The following SUSD5 variants were observed in gnomAD, a reference collection of about 807,000 sequenced individuals.
SUSD5 encodes the protein sushi domain-containing protein 5.
SUSD5 carries 33 observed loss-of-function variants against 29.5 expected under a neutral mutation model. The observed-to-expected ratio is 1.12, with a 90% CI of 0.85 to 1.49. The LOEUF (loss-of-function observed/expected upper bound fraction) is 1.49, where lower values mean the gene tolerates loss of function less well. Ranked by LOEUF, SUSD5 falls within the 40% of genes most tolerant of loss-of-function variation. SUSD5 has a pLI of 0.00. For synonymous variants in SUSD5, 308 were observed against 325.3 expected (o/e 0.95, Z 0.57); for missense variants, 776 against 800.6 (o/e 0.97, Z 0.37).
In SUSD5 at chr3:33,167,611, G is replaced by T. The variant is rs1014366077; in HGVS notation, c.598+7275C>A. The stretch of plus-strand genomic sequence containing the variant: ...AGGTCAAGGTCCTGACTTAAAAACA[G>T]GTTGTCAGTATATCACAGTTTCCCC... On this transcript the variant is annotated intron_variant, in intron 4 of 4. Transcript: ENST00000309558. The surrounding 1 kb of genome is among the most constrained non-coding windows in gnomAD (Gnocchi z 4.1). Among the ~76,000 whole-genome samples, 5 of 152,150 alleles carry T rather than the reference G, an allele frequency of 3.3e-5. No individual in the cohort carries two copies. The highest frequency in any genetic ancestry group is 7.4e-5 in the Non-Finnish European group (5 of 68,026).
intron 4 of SUSD5, among the ~76,000 whole-genome samples, chr3:33,156,249 C>T (rs1348309563): frequency 6.6e-6 from 1 of 152,076 alleles, no homozygotes; most frequent in Non-Finnish European, 1.5e-5. Context: ...CCATGTTGGC[C>T]AGGCTGGTGT....
chr3:33,164,121 C>G (rs2031254154), intron 4 of SUSD5, among the ~76,000 whole-genome samples: 1 of 152,058 alleles, frequency 6.6e-6, no homozygotes, highest in South Asian at 2.1e-4. Flanking sequence ...TTGCAGTGAG[C>G]CAAGATCTTG....
chr3:33,214,645 G>A (rs755380668), intron 1 of SUSD5, among the ~76,000 whole-genome samples: 1 of 152,128 alleles, frequency 6.6e-6, no homozygotes, highest in African/African-American at 2.4e-5. Context: ...AGAAAACAGG[G>A]ATGATGTCTG....
At chr3:33,159,706 TAC>T (rs35599277) in intron 4 of SUSD5, among the ~76,000 whole-genome samples, 24,255 of 150,872 alleles carry the variant, frequency 0.16, 2,038 homozygotes, top group South Asian at 0.24. Context: ...AACACACCCA[TAC>T]ACACACACAC....
chr3:33,194,687 G>A (rs2031962162), intron 3 of SUSD5, among the ~76,000 whole-genome samples: 1 of 152,056 alleles, frequency 6.6e-6, no homozygotes, highest in Non-Finnish European at 1.5e-5. Context: ...TGATAAGGCA[G>A]AAACCAGAAG....
At position 33,152,617 on chromosome 3, in the gene SUSD5, AC is replaced by A; in HGVS notation, c.*124del. 1 of 1,121,520 alleles carries A rather than the reference AC, an allele frequency of 8.9e-7. No homozygotes were observed. Among genetic ancestry groups the A allele is most frequent in the Non-Finnish European group, 1.2e-6 (1 of 800,216 alleles). The allele number at this position is 1,121,520 out of a possible 1,614,324, so 69.5% of individuals were successfully genotyped here. The stretch of plus-strand genomic sequence containing the variant: ...CCAGAGACACTTCTCAGCCTATAAA[AC>A]AAAGGGCTGAGGAAAAAATGATGAG... On this transcript the variant is annotated 3_prime_UTR_variant, in exon 5 of 5. Coordinates refer to ENST00000309558, the MANE Select transcript of SUSD5 (RefSeq NM_015551.2).
chr3:33,207,765 A>G (rs779879255), intron 3 of SUSD5, 43 bp downstream of exon 3: 1 of 1,381,522 alleles, frequency 7.2e-7, no homozygotes, highest in South Asian at 1.2e-5. Context: ...GCAATCCCCA[A>G]GAGCACACCC....
intron 4 of SUSD5, among the ~76,000 whole-genome samples, chr3:33,160,128 C>T (rs2031149130): frequency 6.6e-6 from 1 of 152,020 alleles, no homozygotes; most frequent in African/African-American, 2.4e-5. Context: ...AAGCAGAACC[C>T]AGACTTAAAA....
At chr3:33,206,422 T>A (rs1308571990) in intron 3 of SUSD5, among the ~76,000 whole-genome samples, 7 of 79,584 alleles carry the variant, frequency 8.8e-5, no homozygotes, top group African/African-American at 3.4e-4. Context: ...AGTGTGTGTG[T>A]GTGTGTGTGT....
rs1198357120 is a variant in SUSD5 at position 33,204,080 on chromosome 3, A to T, written c.409+3728T>A. Among the ~76,000 whole-genome samples, 1 of 151,556 alleles carries T rather than the reference A, an allele frequency of 6.6e-6. No individual in the cohort carries two copies. The highest frequency in any genetic ancestry group is 1.5e-5 in the Non-Finnish European group (1 of 67,922). ...CAGGGTGCGCCACCATGCCTGGCTA[A>T]TTTTTTTTATTTTTTGAAGAGATGG... On this transcript the variant is annotated intron_variant, in intron 3 of 4. Transcript: ENST00000309558. This position sits in a 1 kb window ranked among gnomAD's most constrained non-coding sequence, Gnocchi z 4.5.
In SUSD5 at chr3:33,150,366, T is replaced by C. The variant is rs1252144699; in HGVS notation, c.*2376A>G. ...CACTGTATTAATAATTTGTAATAAA[T>C]TTATTAATACACTGTATTAATATTG... On this transcript the variant is annotated 3_prime_UTR_variant, in exon 5 of 5. Transcript: ENST00000309558. 6.6e-6 allele frequency: 1 copy of C among 152,204 alleles called. No homozygotes were observed. Among genetic ancestry groups the C allele is most frequent in the African/African-American group, 2.4e-5 (1 of 41,458 alleles). The allele number at this position is 152,204 out of a possible 1,614,324, so 9.4% of individuals were successfully genotyped here. A position where few individuals can be genotyped will look rare whatever the true frequency, so the allele number is the denominator to read the frequency against.
At position 33,153,656 on chromosome 3, in the gene SUSD5, C is replaced by T. The variant is rs1324843769; in HGVS notation, c.976G>A (p.Gly326Ser). 1.2e-6 allele frequency: 2 copies of T among 1,613,908 alleles called. No homozygotes were observed. Among genetic ancestry groups the T allele is most frequent in the Non-Finnish European group, 1.7e-6 (2 of 1,179,902 alleles). ...GGTTCACCTGGGACCAATTTTACAC[C>T]ACTGTGGTTGTCTCCAGCAGAAAAC... The part of the protein sequence containing the change: ...KQFSAGDNHS[G>S]VKLVPGEPET... The change falls in exon 5 of 5, where the codon GGT (glycine) becomes AGT (serine). Residue 326 changes from glycine (G) to serine (S), a missense_variant. Coordinates refer to ENST00000309558, the MANE Select transcript of SUSD5 (RefSeq NM_015551.2).
intron 3 of SUSD5, among the ~76,000 whole-genome samples, chr3:33,198,763 G>A (rs1419549199): frequency 6.6e-6 from 1 of 152,118 alleles, no homozygotes; most frequent in African/African-American, 2.4e-5. Context: ...ATGCAGTCTG[G>A]TCTCATCTCC....
chr3:33,214,133 T>C (rs751062390), intron 1 of SUSD5, 28 bp from the exon 2 acceptor site: 181 of 1,561,982 alleles, frequency 1.2e-4, no homozygotes, highest in Non-Finnish European at 1.5e-4. Flanking sequence ...CAAACACATG[T>C]GGATTTCAGG....
At chr3:33,189,950 T>G (rs1334947853) in intron 3 of SUSD5, among the ~76,000 whole-genome samples, 1 of 152,236 alleles carries the variant, frequency 6.6e-6, no homozygotes, top group East Asian at 1.9e-4. Flanking sequence ...ATTCACCATC[T>G]TTGCGAAAAG....
At chr3:33,195,629 G>C (rs562720175) in intron 3 of SUSD5, among the ~76,000 whole-genome samples, 1 of 151,736 alleles carries the variant, frequency 6.6e-6, no homozygotes, top group African/African-American at 2.4e-5. Context: ...TTACCAAAAC[G>C]TCTAATAACA....
intron 4 of SUSD5, among the ~76,000 whole-genome samples, chr3:33,172,657 T>C (rs536902655): frequency 3.7e-4 from 57 of 152,362 alleles, no homozygotes; most frequent in African/African-American, 1.3e-3. Flanking sequence ...TCTAGAACAT[T>C]GCTCAAACTG....
intron 3 of SUSD5, among the ~76,000 whole-genome samples, chr3:33,198,308 T>C (rs2032035385): frequency 6.6e-6 from 1 of 152,208 alleles, no homozygotes; most frequent in African/African-American, 2.4e-5. Flanking sequence ...CAAGGCAAGT[T>C]AGGTGGTAGA....
intron 3 of SUSD5, among the ~76,000 whole-genome samples, chr3:33,185,738 A>T (rs1367046590): frequency 6.6e-6 from 1 of 152,172 alleles, no homozygotes; most frequent in Non-Finnish European, 1.5e-5. Flanking sequence ...TTTAAATATT[A>T]CAGCTCTTTC....
Sources: gnomAD v4.1 joint callset for allele counts (sites outside exome capture counted in the v4.1 genomes callset) on GRCh38, gnomAD v4.1.1 for gene constraint, Gnocchi (gnomAD v3.1) non-coding constraint, MANE v1.5 for transcripts, NCBI Gene and HGNC (gene_info 2026-07-23, HGNC 2026-07-21) for gene names.